The following RUBCNL variants were observed in gnomAD, a reference collection of about 807,000 sequenced individuals.
The protein encoded by RUBCNL is protein associated with UVRAG as autophagy enhancer.
In RUBCNL, 62 loss-of-function variants were observed where a neutral mutation model predicts 69.5. That is an observed-to-expected ratio of 0.89 (90% CI 0.73 to 1.10). RUBCNL has a LOEUF of 1.10. Ranked by LOEUF, RUBCNL falls within the 50% of genes least tolerant of loss-of-function variation. The pLI, the probability that RUBCNL is intolerant of heterozygous loss-of-function variation, is 0.00. For missense variants in RUBCNL, 768 were observed against 798.1 expected, an observed-to-expected ratio of 0.96 and a Z score of 0.45; for synonymous variants, 291 against 303.6, an observed-to-expected ratio of 0.96 and a Z score of 0.43.
intron 11 of RUBCNL, 30 bp downstream of exon 11, chr13:46,350,083 G>T: frequency 6.7e-7 from 1 of 1,482,296 alleles, no homozygotes; most frequent in Non-Finnish European, 9.2e-7. Flanking sequence ...CACTTCCAAT[G>T]AGAGGGATGG....
intron 8 of RUBCNL, 147 bp from the exon 9 acceptor site, chr13:46,359,778 G>T (rs1566074853): frequency 1.4e-6 from 1 of 709,186 alleles, no homozygotes; most frequent in Non-Finnish European, 2.2e-6. Flanking sequence ...CATACCAAGA[G>T]CCCTCCACAT....
rs369102586 is a variant in RUBCNL, at chr13:46,372,410, G to A, written c.66C>T (p.His22=). The change falls in exon 3 of 15, where the codon CAC becomes CAT. Residue 22 remains histidine, a synonymous_variant. Coordinates refer to ENST00000429979, the MANE Select transcript of RUBCNL (RefSeq NM_025113.5). ...TGGGCGAACCATCAATAATGCCAGAGTGATCGCTGATCCCTTCCCAGGGCT... is the reference window on the plus strand; with the variant it reads ...TGGGCGAACCATCAATAATGCCAGAATGATCGCTGATCCCTTCCCAGGGCT... ...PVEPWEGISD[H]SGIIDGSPRL... 1.2e-6 allele frequency: 2 copies of A among 1,613,262 alleles called. No individual in the cohort carries two copies. The highest frequency in any genetic ancestry group is 1.7e-6 in the Non-Finnish European group (2 of 1,179,624).
At chr13:46,377,156 C>A (rs1420141862) in intron 2 of RUBCNL, among the ~76,000 whole-genome samples, 1 of 152,176 alleles carries the variant, frequency 6.6e-6, no homozygotes, top group Non-Finnish European at 1.5e-5. Context: ...CAATTTTCTA[C>A]ACATATCTTT....
Position 46,372,157 on chromosome 13 carries a change from C to T in RUBCNL, c.319G>A (p.Asp107Asn). 6.2e-7 allele frequency: 1 copy of T among 1,614,016 alleles called. No individual in the cohort carries two copies. The highest frequency in any genetic ancestry group is 8.5e-7 in the Non-Finnish European group (1 of 1,179,898). The change falls in exon 3 of 15, where the codon GAT (aspartate) becomes AAT (asparagine). Residue 107 changes from aspartate to asparagine, a missense_variant. Coordinates refer to ENST00000429979, the MANE Select transcript of RUBCNL (RefSeq NM_025113.5). Reference sequence around the variant, plus strand: ...GCGCTGCCAACGGAGTCTGTGGTATCCTCAGACAACGTTGTCTCTGCCAGG... The same window carrying T: ...GCGCTGCCAACGGAGTCTGTGGTATTCTCAGACAACGTTGTCTCTGCCAGG... ...DSLAETTLSE[D>N]TTDSVGSASP...
chr13:46,359,411 T>C, intron 9 of RUBCNL, 75 bp downstream of exon 9: 2 of 1,230,882 alleles, frequency 1.6e-6, no homozygotes, highest in East Asian at 2.7e-5. Flanking sequence ...TTTCACCTAC[T>C]GCCATAGAGT....
In RUBCNL at chr13:46,356,423, C is replaced by T. The variant is rs752505291; in HGVS notation, c.1330+9G>A. ...CATCATAAGCAGGCGATCCATTATC[C>T]GTACTTACTAGGCTCTACTGGAGTT... On this transcript the variant is annotated intron_variant, in intron 10 of 14. Coordinates refer to ENST00000429979, the MANE Select transcript of RUBCNL (RefSeq NM_025113.5). 23 of 1,613,198 alleles carry T rather than the reference C, an allele frequency of 1.4e-5. No individual in the cohort carries two copies. The highest frequency in any genetic ancestry group is 2.7e-5 in the African/African-American group (2 of 74,858).
chr13:46,351,716 C>CAT (rs2048372461), intron 10 of RUBCNL, among the ~76,000 whole-genome samples: 1 of 151,578 alleles, frequency 6.6e-6, no homozygotes, highest in Non-Finnish European at 1.5e-5. Flanking sequence ...TATTTAAGAA[C>CAT]ATATATATAA....
rs2048134860 is a variant in RUBCNL, at chr13:46,340,629, G to A, written c.*2756C>T. On this transcript the variant is annotated 3_prime_UTR_variant, in exon 15 of 15. Transcript: ENST00000429979. ...AGAGGTTAATTTGGCTTATGGTTCT[G>A]CGGGCTGTACAAGCATCGCACCAAT... Among the ~76,000 whole-genome samples, 1 of 152,210 alleles carries A rather than the reference G, an allele frequency of 6.6e-6. No homozygotes were observed. The highest frequency in any genetic ancestry group is 6.5e-5 in the Admixed American group (1 of 15,276).
Position 46,387,117 on chromosome 13 carries a change from G to A in RUBCNL, c.-239+17C>T. On this transcript the variant is annotated intron_variant, in intron 1 of 14. Transcript: ENST00000429979. Reference sequence around the variant, plus strand: ...CCCGCGCCGCTCCCATCTCGCCCCCGGCCCCGCCAGCCTCACCCAGCCAAA... The same window carrying A: ...CCCGCGCCGCTCCCATCTCGCCCCCAGCCCCGCCAGCCTCACCCAGCCAAA... The A allele has an allele frequency of 1.0e-6, 1 of 985,282 alleles. No individual in the cohort carries two copies. The highest frequency in any genetic ancestry group is 4.7e-5 in the South Asian group (1 of 21,272). The allele number at this position is 985,282 out of a possible 1,614,324, so 61.0% of individuals were successfully genotyped here.
At position 46,337,470 on chromosome 13, in the gene RUBCNL, C is replaced by T. The variant is rs544138197; in HGVS notation, c.*5915G>A. ...GTGCCTGGTCCGCTCTCTCTCCTTT[C>T]TACCATGTAAGGATACAGTGAGATA... On this transcript the variant is annotated 3_prime_UTR_variant, in exon 15 of 15. Transcript: ENST00000429979. Among the ~76,000 whole-genome samples the T allele has an allele frequency of 1.8e-4, 27 of 152,136 alleles. No individual in the cohort carries two copies. The highest frequency in any genetic ancestry group is 3.7e-4 in the Non-Finnish European group (25 of 68,010).
chr13:46,357,327 C>G (rs543945893), intron 9 of RUBCNL, among the ~76,000 whole-genome samples: 17 of 131,480 alleles, frequency 1.3e-4, no homozygotes, highest in African/African-American at 4.7e-4. Flanking sequence ...AGTGAGACTC[C>G]GTCTCAAAAA....
At chr13:46,385,275 C>G (rs749028263) in intron 1 of RUBCNL, 4 of 984,072 alleles carry the variant, frequency 4.1e-6, no homozygotes, top group Non-Finnish European at 3.6e-6. Context: ...TTTCCAGCTT[C>G]TTAACTGAGT....
rs1428416677 is a variant in RUBCNL at position 46,336,389 on chromosome 13, T to G, written c.*6996A>C. 6.6e-6 allele frequency among the ~76,000 whole-genome samples: 1 copy of G among 152,176 alleles called. No homozygotes were observed. The highest frequency in any genetic ancestry group is 1.5e-5 in the Non-Finnish European group (1 of 68,032). ...TGTATAGTACTGATCTCATTTATCA[T>G]CTGTAATTTGTCATTAGTTTAAATG... On this transcript the variant is annotated 3_prime_UTR_variant, in exon 15 of 15. Coordinates refer to ENST00000429979, the MANE Select transcript of RUBCNL (RefSeq NM_025113.5).
chr13:46,368,626 A>T, intron 4 of RUBCNL, 107 bp downstream of exon 4: 1 of 1,307,958 alleles, frequency 7.6e-7, no homozygotes, highest in Non-Finnish European at 1.1e-6. Flanking sequence ...CTGAAAGGAA[A>T]CCTATTTGTA....
Position 46,377,031 on chromosome 13 carries a change from A to G in RUBCNL, c.-123+859T>C, listed in dbSNP as rs559016917. Among the ~76,000 whole-genome samples, 4 of 144,922 alleles carry G rather than the reference A, an allele frequency of 2.8e-5. No individual in the cohort carries two copies. In the South Asian group the frequency reaches 8.6e-4, roughly 31 times the overall value. ...CCTTGTTCATGTCATTTTTTGGTTG[A>G]CTTTTTTTAGTTCCTTTCTCTTACT... is the stretch of plus-strand genomic sequence containing the variant. On this transcript the variant is annotated intron_variant, in intron 2 of 14. Coordinates refer to ENST00000429979, the MANE Select transcript of RUBCNL (RefSeq NM_025113.5).
chr13:46,355,376 C>A (rs1953096617), intron 10 of RUBCNL, among the ~76,000 whole-genome samples: 1 of 147,000 alleles, frequency 6.8e-6, no homozygotes, highest in African/African-American at 2.5e-5. Flanking sequence ...CTCACTGCAA[C>A]CTCTGCCTCC....
rs1260444275 is a variant in RUBCNL at position 46,335,507 on chromosome 13, G to A, written c.*7878C>T. Among the ~76,000 whole-genome samples the A allele has an allele frequency of 6.6e-6, 1 of 152,104 alleles. No individual in the cohort carries two copies. The highest frequency in any genetic ancestry group is 1.9e-4 in the East Asian group (1 of 5,188). ...TGTTGTGTGGAGAATGGACTATAGA[G>A]GGGCAAGTGTGGAAAGAGGAGATAG... is the stretch of plus-strand genomic sequence containing the variant. On this transcript the variant is annotated 3_prime_UTR_variant, in exon 15 of 15. Coordinates refer to ENST00000429979, the MANE Select transcript of RUBCNL (RefSeq NM_025113.5).
At chr13:46,376,763 C>T (rs560180933) in intron 2 of RUBCNL, among the ~76,000 whole-genome samples, 3 of 152,274 alleles carry the variant, frequency 2.0e-5, no homozygotes, top group African/African-American at 4.8e-5. Flanking sequence ...TATGAATTAA[C>T]GTACATATTT....
chr13:46,337,818 A>G lies in RUBCNL; in HGVS notation c.*5567T>C, dbSNP rs1289716245. Among the ~76,000 whole-genome samples, 2 of 152,206 alleles carry G rather than the reference A, an allele frequency of 1.3e-5. No individual in the cohort carries two copies. On this transcript the variant is annotated 3_prime_UTR_variant, in exon 15 of 15. Transcript: ENST00000429979. The stretch of plus-strand genomic sequence containing the variant: ...TTTATTCTTGCTTGTAAAAAGTCCA[A>G]TGCAGGCACCGCACTCCTGAGTAGT...
Sources: allele counts gnomAD v4.1 joint callset (sites outside exome capture counted in the v4.1 genomes callset), GRCh38; gene constraint gnomAD v4.1.1; transcripts MANE v1.5; gene names NCBI Gene and HGNC (gene_info 2026-07-23, HGNC 2026-07-21).